Variants in TMEM132D observed in about 807,000 individuals in gnomAD.
TMEM132D encodes transmembrane protein 132D.
TMEM132D carries 21 observed loss-of-function variants against 62.3 expected under a neutral mutation model. That is an observed-to-expected ratio of 0.34 (90% CI 0.24 to 0.49). TMEM132D has a LOEUF of 0.49. Ranked by LOEUF, TMEM132D falls within the 20% of genes least tolerant of loss-of-function variation. TMEM132D has a pLI of 0.99. For missense variants in TMEM132D, 1,346 were observed against 1,402.8 expected, an observed-to-expected ratio of 0.96 and a Z score of 0.65; for synonymous variants, 621 against 575.6, an observed-to-expected ratio of 1.08 and a Z score of -1.13.
intron 3 of TMEM132D, among the ~76,000 whole-genome samples, chr12:129,435,452 C>T (rs1382598788): frequency 6.6e-6 from 1 of 152,150 alleles, no homozygotes; most frequent in Non-Finnish European, 1.5e-5. Flanking sequence ...GTATATGTGT[C>T]CTCATTTCTC....
At chr12:129,276,780 A>G (rs1319581569) in intron 4 of TMEM132D, among the ~76,000 whole-genome samples, 1 of 152,242 alleles carries the variant, frequency 6.6e-6, no homozygotes, top group East Asian at 1.9e-4. Flanking sequence ...TTAAAGTATA[A>G]TGACATGCAA....
intron 4 of TMEM132D, among the ~76,000 whole-genome samples, chr12:129,285,364 C>CA (rs10706680): frequency 1.3e-4 from 18 of 143,468 alleles, no homozygotes; most frequent in Middle Eastern, 3.6e-3. Context: ...ACTAAAAGTA[C>CA]AAAAAAAAAA....
In TMEM132D at chr12:129,770,140, G is replaced by GTTTTTTTTTTTTTTTTTTTTTTTTTTT. The variant is rs375230592; in HGVS notation, c.80-69443_80-69442insAAAAAAAAAAAAAAAAAAAAAAAAAAA. ...ATGAGATTCTTTGTGGGTTTTTTTG[G>GTTTTTTTTTTTTTTTTTTTTTTTTTTT]TTGTTTTTTTTTTTTTTTTTTGAGA... On this transcript the variant is annotated intron_variant, in intron 1 of 8. Coordinates refer to ENST00000422113, the MANE Select transcript of TMEM132D (RefSeq NM_133448.3). Among the ~76,000 whole-genome samples, 4 of 104,310 alleles carry GTTTTTTTTTTTTTTTTTTTTTTTTTTT rather than the reference G, an allele frequency of 3.8e-5. 2 individuals are homozygous for GTTTTTTTTTTTTTTTTTTTTTTTTTTT. The allele number at this position is 104,310 out of a possible 152,430, so 68.4% of individuals were successfully genotyped here.
At chr12:129,802,010 C>T (rs1003579181) in intron 1 of TMEM132D, among the ~76,000 whole-genome samples, 11 of 149,454 alleles carry the variant, frequency 7.4e-5, no homozygotes, top group African/African-American at 2.2e-4. Flanking sequence ...AAGAAATGAG[C>T]AAAGCCTCCA....
chr12:129,192,775 T>C (rs1306137050), intron 5 of TMEM132D, among the ~76,000 whole-genome samples: 1 of 152,128 alleles, frequency 6.6e-6, no homozygotes, highest in East Asian at 1.9e-4. Context: ...ATTTTAACTG[T>C]GATGTGCCTG....
intron 1 of TMEM132D, among the ~76,000 whole-genome samples, chr12:129,862,079 A>C (rs1873917567): frequency 1.3e-5 from 2 of 152,190 alleles, no homozygotes; most frequent in South Asian, 4.1e-4. Flanking sequence ...TTCTCTGGGA[A>C]GCTCATCTGA....
At chr12:129,466,046 G>T (rs1200696518) in intron 3 of TMEM132D, among the ~76,000 whole-genome samples, 2 of 152,160 alleles carry the variant, frequency 1.3e-5, no homozygotes, top group South Asian at 2.1e-4. Context: ...AATGTAAAGG[G>T]TGTTTGAGAC....
intron 1 of TMEM132D, among the ~76,000 whole-genome samples, chr12:129,887,688 G>A (rs941717981): frequency 6.6e-6 from 1 of 152,052 alleles, no homozygotes; most frequent in African/African-American, 2.4e-5. Flanking sequence ...CTTTAAGATA[G>A]TAAAAAAATG....
Position 129,903,509 on chromosome 12 carries a change from G to A in TMEM132D, c.-170C>T. The A allele has an allele frequency of 1.5e-6, 1 of 655,192 alleles. No individual in the cohort carries two copies. Among genetic ancestry groups the A allele is most frequent in the South Asian group, 2.0e-5 (1 of 50,974 alleles). The allele number at this position is 655,192 out of a possible 1,614,324, so 40.6% of individuals were successfully genotyped here. On this transcript the variant is annotated 5_prime_UTR_variant, in exon 1 of 9. Coordinates refer to ENST00000422113, the MANE Select transcript of TMEM132D (RefSeq NM_133448.3). The surrounding 1 kb of genome is among the most constrained non-coding windows in gnomAD (Gnocchi z 6.2). ...CCTCTTCCCGCCAGTCCATGGCCAG[G>A]CCGGGAGGCGACGACCGCGCGGGCT... is the stretch of plus-strand genomic sequence containing the variant.
At chr12:129,454,498 G>T (rs778936094) in intron 3 of TMEM132D, among the ~76,000 whole-genome samples, 3 of 152,100 alleles carry the variant, frequency 2.0e-5, no homozygotes, top group Non-Finnish European at 4.4e-5. Context: ...CCAGTTGGGG[G>T]ATAAAGGAGC....
At chr12:129,623,666 T>C (rs1292064914) in intron 2 of TMEM132D, among the ~76,000 whole-genome samples, 1 of 132,944 alleles carries the variant, frequency 7.5e-6, no homozygotes, top group Admixed American at 7.9e-5. Context: ...TATATATACA[T>C]ATATATACAC....
intron 1 of TMEM132D, among the ~76,000 whole-genome samples, chr12:129,876,883 T>C (rs1035140147): frequency 6.6e-6 from 1 of 152,202 alleles, no homozygotes; most frequent in Non-Finnish European, 1.5e-5. Flanking sequence ...TTGACTGCCC[T>C]TTCCTAGTTC....
At chr12:129,238,847 T>C (rs1468954230) in intron 4 of TMEM132D, among the ~76,000 whole-genome samples, 2 of 152,226 alleles carry the variant, frequency 1.3e-5, no homozygotes, top group Non-Finnish European at 2.9e-5. Context: ...TATACACAGA[T>C]GTGGAACTTC....
At position 129,903,656 on chromosome 12, in the gene TMEM132D, G is replaced by A; in HGVS notation, c.-317C>T. ...GGTATTTCCTTTCCTGTTTACCCGA[G>A]CGAAGAGTGGCCCCCGGTGGCCCAA... On this transcript the variant is annotated 5_prime_UTR_variant, in exon 1 of 9. Transcript: ENST00000422113. The surrounding 1 kb of genome is among the most constrained non-coding windows in gnomAD (Gnocchi z 6.2). 4.4e-6 allele frequency: 1 copy of A among 228,014 alleles called. No individual in the cohort carries two copies. The highest frequency in any genetic ancestry group is 1.4e-4 in the South Asian group (1 of 7,172). 14.1% of individuals were successfully genotyped at this position (228,014 alleles called of 1,614,324 possible). A position where few individuals can be genotyped will look rare whatever the true frequency, so the allele number is the denominator to read the frequency against.
chr12:129,081,113 C>T (rs898446718), intron 7 of TMEM132D, among the ~76,000 whole-genome samples: 1 of 152,156 alleles, frequency 6.6e-6, no homozygotes, highest in Non-Finnish European at 1.5e-5. Context: ...AGTTGCTGGC[C>T]GTGCCTGTGA....
At chr12:129,285,553 G>GAA (rs1881272506) in intron 4 of TMEM132D, among the ~76,000 whole-genome samples, 1 of 101,098 alleles carries the variant, frequency 9.9e-6, no homozygotes, top group African/African-American at 3.6e-5. Context: ...GAGAGAGAGA[G>GAA]AGGCTCCCAT....
chr12:129,190,245 T>G (rs1354024834), intron 5 of TMEM132D, among the ~76,000 whole-genome samples: 10 of 37,764 alleles, frequency 2.6e-4, no homozygotes, highest in Admixed American at 6.1e-4. Context: ...GGCCTGCAGA[T>G]GGAGGGAGGG....
chr12:129,311,593 G>T (rs912764349), intron 4 of TMEM132D, among the ~76,000 whole-genome samples: 1 of 152,202 alleles, frequency 6.6e-6, no homozygotes, highest in African/African-American at 2.4e-5. Context: ...TAAAAATAAA[G>T]AGGGTAATTT....
At chr12:129,606,581 C>T (rs1407052810) in intron 2 of TMEM132D, among the ~76,000 whole-genome samples, 4 of 152,088 alleles carry the variant, frequency 2.6e-5, no homozygotes, top group Non-Finnish European at 5.9e-5. Flanking sequence ...AGTGACCACA[C>T]CAAGGTCATC....
Sources: gnomAD v4.1 joint callset for allele counts (sites outside exome capture counted in the v4.1 genomes callset) on GRCh38, gnomAD v4.1.1 for gene constraint, Gnocchi (gnomAD v3.1) non-coding constraint, MANE v1.5 for transcripts, NCBI Gene and HGNC (gene_info 2026-07-23, HGNC 2026-07-21) for gene names.